The following CACNA1C variants were observed in gnomAD, a reference collection of about 807,000 sequenced individuals.
CACNA1C encodes the protein voltage-dependent L-type calcium channel subunit alpha-1C.
In CACNA1C, 30 loss-of-function variants were observed where a neutral mutation model predicts 229.0. The ratio of observed to expected loss-of-function variants is 0.13; its 90% CI spans 0.10 to 0.18. The LOEUF is 0.18. Ranked by LOEUF, CACNA1C falls within the 10% of genes least tolerant of loss-of-function variation. CACNA1C has a pLI of 1.00. For synonymous variants in CACNA1C, 1,114 were observed against 1,132.5 expected, an observed-to-expected ratio of 0.98 and a Z score of 0.33; for missense variants, 1,658 against 2,845.0, an observed-to-expected ratio of 0.58 and a Z score of 9.49.
intron 3 of CACNA1C, among the ~76,000 whole-genome samples, chr12:2,144,297 T>C (rs1432018900): frequency 6.6e-6 from 1 of 151,306 alleles, no homozygotes; most frequent in African/African-American, 2.4e-5. Context: ...AAGAATTGTC[T>C]GGACCAATGG....
intron 1 of CACNA1C, among the ~76,000 whole-genome samples, chr12:2,102,830 C>T (rs977011346): frequency 1.3e-5 from 2 of 152,202 alleles, no homozygotes; most frequent in Non-Finnish European, 2.9e-5. Context: ...TGAGAACACA[C>T]AGTGTTTGGT....
At chr12:2,226,391 C>G (rs1450485808) in intron 3 of CACNA1C, among the ~76,000 whole-genome samples, 1 of 152,162 alleles carries the variant, frequency 6.6e-6, no homozygotes, top group Non-Finnish European at 1.5e-5. Flanking sequence ...CAAGGTCACA[C>G]AACCAGTGTG....
rs1020079354 is a variant in CACNA1C, at chr12:2,123,399, G to T, written c.477+2969G>T. ...TCAAAAAAAAAAAAAAAAAAAAAAGGTTAAGTCTGAATCTTAGTCTGAGGT... is the reference window on the plus strand; with the variant it reads ...TCAAAAAAAAAAAAAAAAAAAAAAGTTTAAGTCTGAATCTTAGTCTGAGGT... On this transcript the variant is annotated intron_variant, in intron 3 of 46. Coordinates refer to ENST00000399655, the MANE Select transcript of CACNA1C (RefSeq NM_000719.7). 5.1e-4 allele frequency among the ~76,000 whole-genome samples: 75 copies of T among 145,718 alleles called. 1 individual carries two copies. Among genetic ancestry groups the T allele is most frequent in the African/African-American group, 1.8e-3 (69 of 38,418 alleles).
rs560006899 is a variant in CACNA1C at position 2,285,503 on chromosome 12, A to G, written c.478-163473A>G. Among the ~76,000 whole-genome samples, 5 of 152,244 alleles carry G rather than the reference A, an allele frequency of 3.3e-5. No individual in the cohort carries two copies. The highest frequency in any genetic ancestry group is 7.4e-5 in the Non-Finnish European group (5 of 68,020). ...TTGCCCATAGCCTGTGCCGGCTACAACTCAGGAGCTTTTGGAACTTAGGAG... is the reference window on the plus strand; with the variant it reads ...TTGCCCATAGCCTGTGCCGGCTACAGCTCAGGAGCTTTTGGAACTTAGGAG... On this transcript the variant is annotated intron_variant, in intron 3 of 46. Transcript: ENST00000399655. This position sits in a 1 kb window ranked among gnomAD's most constrained non-coding sequence, Gnocchi z 4.2.
In CACNA1C at chr12:2,053,422, A is replaced by T. The variant is rs1480328362; in HGVS notation, c.-141A>T. On this transcript the variant is annotated 5_prime_UTR_variant, in exon 1 of 47. Coordinates refer to ENST00000399655, the MANE Select transcript of CACNA1C (RefSeq NM_000719.7). This position sits in a 1 kb window ranked among gnomAD's most constrained non-coding sequence, Gnocchi z 5.8. ...AGGTAATCGTCGGCGGGGAAGAAGAAACGCTGCAGACCACGGCTTCCTCGA... is the reference window on the plus strand; with the variant it reads ...AGGTAATCGTCGGCGGGGAAGAAGATACGCTGCAGACCACGGCTTCCTCGA... 2.1e-6 allele frequency: 3 copies of T among 1,416,298 alleles called. No homozygotes were observed. The African/African-American group carries it at 4.4e-5, about 21-fold the overall frequency. 87.7% of individuals were successfully genotyped at this position (1,416,298 alleles called of 1,614,324 possible).
intron 3 of CACNA1C, among the ~76,000 whole-genome samples, chr12:2,314,088 G>A (rs1329483038): frequency 1.3e-5 from 2 of 152,122 alleles, no homozygotes; most frequent in African/African-American, 2.4e-5. Context: ...TTTGACCAAG[G>A]TTTTTATATT....
chr12:2,457,504 G>A, intron 4 of CACNA1C, 63 bp from the exon 5 acceptor site: 1 of 1,554,348 alleles, frequency 6.4e-7, no homozygotes, highest in South Asian at 1.2e-5. Context: ...CCAGAGGTCA[G>A]AGCCCCAGCT....
chr12:2,443,467 T>C (rs1410682455), intron 3 of CACNA1C, among the ~76,000 whole-genome samples: 1 of 152,186 alleles, frequency 6.6e-6, no homozygotes, highest in East Asian at 1.9e-4. Context: ...GTTCATTCTC[T>C]CTTCTGCAGT....
At chr12:2,549,356 C>T (rs987672505) in intron 9 of CACNA1C, among the ~76,000 whole-genome samples, 1 of 152,158 alleles carries the variant, frequency 6.6e-6, no homozygotes, top group Non-Finnish European at 1.5e-5. Flanking sequence ...TAGTGCATGG[C>T]TCTGGGGATG....
chr12:2,484,930 C>A (rs1351902990), intron 5 of CACNA1C, among the ~76,000 whole-genome samples: 4 of 143,316 alleles, frequency 2.8e-5, no homozygotes, highest in Admixed American at 1.4e-4. Flanking sequence ...TTTATCTTCC[C>A]AGCTTGGCTT....
chr12:2,444,148 GA>G (rs1388318502), intron 3 of CACNA1C, among the ~76,000 whole-genome samples: 1 of 152,168 alleles, frequency 6.6e-6, no homozygotes, highest in Non-Finnish European at 1.5e-5. Flanking sequence ...TGTCTCTGGG[GA>G]TAAGTGGTAC....
intron 3 of CACNA1C, among the ~76,000 whole-genome samples, chr12:2,333,623 T>C (rs7295590): frequency 2.0e-5 from 3 of 151,988 alleles, no homozygotes; most frequent in Non-Finnish European, 2.9e-5. Context: ...TGACCCCTTG[T>C]TCTCCGTCAC....
intron 5 of CACNA1C, among the ~76,000 whole-genome samples, chr12:2,475,525 C>G (rs1375760306): frequency 6.6e-6 from 1 of 152,144 alleles, no homozygotes; most frequent in African/African-American, 2.4e-5. Context: ...TCCAAAGAAC[C>G]AGATATGGAA....
At position 2,486,754 on chromosome 12, in the gene CACNA1C, TAATTA is replaced by T. The variant is rs1226474728; in HGVS notation, c.916+493_916+497del. ...CATGGTGCTGATTCCAGATCCTCTG[TAATTA>T]TTGTTTCTGCTTCTCCATTCACAGG... On this transcript the variant is annotated intron_variant, in intron 6 of 46. Transcript: ENST00000399655. This position sits in a 1 kb window ranked among gnomAD's most constrained non-coding sequence, Gnocchi z 4.9. 6.6e-6 allele frequency among the ~76,000 whole-genome samples: 1 copy of T among 152,148 alleles called. No individual in the cohort carries two copies. The highest frequency in any genetic ancestry group is 2.4e-5 in the African/African-American group (1 of 41,422).
intron 1 of CACNA1C, among the ~76,000 whole-genome samples, chr12:2,020,940 G>A (rs975975757): frequency 5.3e-5 from 8 of 152,098 alleles, no homozygotes; most frequent in African/African-American, 1.9e-4. Flanking sequence ...AGTAACTTCT[G>A]CTCAGTGGCC....
rs372847769 is a variant in CACNA1C at position 2,562,614 on chromosome 12, G to A, written c.1509-3808G>A. On this transcript the variant is annotated intron_variant, in intron 11 of 46. Transcript: ENST00000399655. ...GTCGCCTCTCAAGAGGACCATCTGGGACTCATTGTCTCATTTCTTTGTCCC... is the reference window on the plus strand; with the variant it reads ...GTCGCCTCTCAAGAGGACCATCTGGAACTCATTGTCTCATTTCTTTGTCCC... Among the ~76,000 whole-genome samples, 8 of 152,322 alleles carry A rather than the reference G, an allele frequency of 5.3e-5. No individual in the cohort carries two copies. The South Asian group carries it at 6.2e-4, about 12-fold the overall frequency.
At chr12:2,395,336 A>G (rs1277950525) in intron 3 of CACNA1C, among the ~76,000 whole-genome samples, 1 of 151,326 alleles carries the variant, frequency 6.6e-6, no homozygotes, top group African/African-American at 2.4e-5. Context: ...CCCCTGCCTC[A>G]GCCTCCCAAG....
At chr12:2,505,569 A>G (rs2099769666) in intron 8 of CACNA1C, among the ~76,000 whole-genome samples, 1 of 152,114 alleles carries the variant, frequency 6.6e-6, no homozygotes, top group African/African-American at 2.4e-5. Context: ...GAAGGCTGAG[A>G]CAGGAGGATC....
intron 3 of CACNA1C, among the ~76,000 whole-genome samples, chr12:2,265,801 C>T (rs2154408444): frequency 6.6e-6 from 1 of 152,340 alleles, no homozygotes; most frequent in East Asian, 1.9e-4. Flanking sequence ...CCTCAGTCTC[C>T]CACAGAGAGG....
Sources: gnomAD v4.1 joint callset for allele counts (sites outside exome capture counted in the v4.1 genomes callset) on GRCh38, gnomAD v4.1.1 for gene constraint, Gnocchi (gnomAD v3.1) non-coding constraint, MANE v1.5 for transcripts, NCBI Gene and HGNC (gene_info 2026-07-23, HGNC 2026-07-21) for gene names.